ATF7: variants seen among roughly 807,000 people sequenced by gnomAD.
ATF7 encodes activating transcription factor 7, also known as cyclic AMP-dependent transcription factor ATF-7.
A neutral mutation model predicts 50.4 loss-of-function variants in ATF7; 10 were observed. The observed-to-expected ratio is 0.20, with a 90% CI of 0.12 to 0.34. The LOEUF (loss-of-function observed/expected upper bound fraction) is 0.34, where lower values mean the gene tolerates loss of function less well. Ranked by LOEUF, ATF7 falls within the 10% of genes least tolerant of loss-of-function variation. The probability of loss-of-function intolerance (pLI) is 1.00; values close to 1 mark genes in which losing one functional copy is unlikely to be tolerated. For missense variants in ATF7, 465 were observed against 613.9 expected, an observed-to-expected ratio of 0.76 and a Z score of 2.56; for synonymous variants, 201 against 226.4, an observed-to-expected ratio of 0.89 and a Z score of 1.01.
At chr12:53,600,875 A>T in intron 2 of ATF7, 78 bp downstream of exon 2, 1 of 1,428,320 alleles carries the variant, frequency 7.0e-7, no homozygotes, top group Non-Finnish European at 9.7e-7. Flanking sequence ...TACTGGCTTT[A>T]AACTCTTTGC....
At chr12:53,519,409 T>A (rs1470520454) in intron 11 of ATF7, among the ~76,000 whole-genome samples, 1 of 151,974 alleles carries the variant, frequency 6.6e-6, no homozygotes, top group East Asian at 1.9e-4. Context: ...TTTGCTATAA[T>A]GAATATGTAA....
At chr12:53,509,946 G>A (rs1029925986), downstream of ATF7, among the ~76,000 whole-genome samples, 2 of 152,172 alleles carry the variant, frequency 1.3e-5, no homozygotes, top group African/African-American at 2.4e-5. Flanking sequence ...TGTTAATGCG[G>A]ACTAAGCCAG....
intron 2 of ATF7, among the ~76,000 whole-genome samples, chr12:53,565,303 T>C (rs1182034385): frequency 7.5e-6 from 1 of 133,680 alleles, no homozygotes; most frequent in African/African-American, 3.4e-5. Context: ...AAAAGATTAG[T>C]TTTTTTTTTT....
At chr12:53,598,867 A>G (rs67236940) in intron 2 of ATF7, among the ~76,000 whole-genome samples, 16,945 of 152,226 alleles carry the variant, frequency 0.11, 1,056 homozygotes, top group Admixed American at 0.19. Flanking sequence ...AGTTTAAACA[A>G]TAAGTGAAGA....
At chr12:53,517,472 C>A (rs1162497588) in intron 11 of ATF7, 118 bp from the exon 12 acceptor site, 3 of 1,024,422 alleles carry the variant, frequency 2.9e-6, no homozygotes, top group African/African-American at 1.6e-5. Flanking sequence ...TGAAACCCAT[C>A]TTTTTTTTGG....
chr12:53,546,438 GTTTTC>G (rs1356127247), intron 3 of ATF7, among the ~76,000 whole-genome samples: 1 of 147,018 alleles, frequency 6.8e-6, no homozygotes, highest in African/African-American at 2.5e-5. Flanking sequence ...TTAAGATGAT[GTTTTC>G]TTTTCTTTCT....
intron 4 of ATF7, chr12:53,542,983 C>T: frequency 8.5e-7 from 1 of 1,178,838 alleles, no homozygotes; most frequent in Non-Finnish European, 1.0e-6. Context: ...AATTTGGCAA[C>T]AAATATGTTA....
intron 2 of ATF7, among the ~76,000 whole-genome samples, chr12:53,565,438 GA>G (rs1465528816): frequency 8.1e-6 from 1 of 123,064 alleles, no homozygotes; most frequent in African/African-American, 3.1e-5. Flanking sequence ...TAGTCAAGCA[GA>G]AAGTATAATT....
rs1210300749 is a variant in ATF7 at position 53,524,224 on chromosome 12, G to C, written c.1125+340C>G. 1.3e-5 allele frequency among the ~76,000 whole-genome samples: 2 copies of C among 152,006 alleles called. No individual in the cohort carries two copies. Among genetic ancestry groups the C allele is most frequent in the African/African-American group, 2.4e-5 (1 of 41,392 alleles). ...TTTTCTTTCTCTCTTTTATTAAGCT[G>C]CATTATCTAGGGCAAACACATTTCC... On this transcript the variant is annotated intron_variant, in intron 10 of 11. Coordinates refer to ENST00000420353, the MANE Select transcript of ATF7 (RefSeq NM_006856.3). This position sits in a 1 kb window ranked among gnomAD's most constrained non-coding sequence, Gnocchi z 4.6.
intron 9 of ATF7, among the ~76,000 whole-genome samples, chr12:53,529,932 TG>T (rs1294062770): frequency 1.3e-5 from 2 of 150,798 alleles, no homozygotes; most frequent in African/African-American, 4.9e-5. Context: ...TTAGTAGAGA[TG>T]GGGTTTCACC....
In ATF7 at chr12:53,614,680, T is replaced by C. The variant is rs1282364117; in HGVS notation, c.-22+11599A>G. ...TCCACATATTTTCAACAGTGATCTATTTGGGGTTATTCCAATGCTCGCCAA... is the reference window on the plus strand; with the variant it reads ...TCCACATATTTTCAACAGTGATCTACTTGGGGTTATTCCAATGCTCGCCAA... On this transcript the variant is annotated intron_variant, in intron 1 of 11. Transcript: ENST00000420353. Among the ~76,000 whole-genome samples the C allele has an allele frequency of 4.6e-5, 7 of 152,210 alleles. No homozygotes were observed. In the South Asian group the frequency reaches 1.4e-3, roughly 31 times the overall value.
rs563120205 is a variant in ATF7 at position 53,622,666 on chromosome 12, A to T, written c.-22+3613T>A. Among the ~76,000 whole-genome samples the T allele has an allele frequency of 5.3e-5, 8 of 151,426 alleles. No individual in the cohort carries two copies. The South Asian group carries it at 1.5e-3, about 28-fold the overall frequency. ...AAATTGCGTCTCAAAAAAAAAAAAA[A>T]AAATAGCTTAAAGAACTTGGGGTAT... On this transcript the variant is annotated intron_variant, in intron 1 of 11. Transcript: ENST00000420353.
intron 11 of ATF7, 107 bp from the exon 12 acceptor site, chr12:53,517,461 A>G: frequency 5.4e-6 from 6 of 1,101,612 alleles, no homozygotes; most frequent in South Asian, 1.6e-5. Flanking sequence ...CAAAAGGGAA[A>G]TGAAACCCAT....
chr12:53,596,143 C>CA (rs993162836), intron 2 of ATF7, among the ~76,000 whole-genome samples: 1 of 151,918 alleles, frequency 6.6e-6, no homozygotes, highest in African/African-American at 2.4e-5. Flanking sequence ...ACTAAAAATA[C>CA]AAAAAAATTA....
At position 53,512,448 on chromosome 12, in the gene ATF7, G is replaced by A. The variant is rs1337666691; in HGVS notation, c.*4689C>T. The A allele has an allele frequency of 6.6e-6, 1 of 152,146 alleles. No homozygotes were observed. The highest frequency in any genetic ancestry group is 6.6e-5 in the Admixed American group (1 of 15,266). 9.4% of individuals were successfully genotyped at this position (152,146 alleles called of 1,614,324 possible). A position where few individuals can be genotyped will look rare whatever the true frequency, so the allele number is the denominator to read the frequency against. On this transcript the variant is annotated 3_prime_UTR_variant, in exon 12 of 12. Coordinates refer to ENST00000420353, the MANE Select transcript of ATF7 (RefSeq NM_006856.3). ...CATGTCAAAAATATATAGATGAACA[G>A]AGATATAATCATAGATACACACTGC...
intron 2 of ATF7, among the ~76,000 whole-genome samples, chr12:53,562,076 A>G (rs1941156408): frequency 6.6e-6 from 1 of 152,220 alleles, no homozygotes; most frequent in African/African-American, 2.4e-5. Context: ...GGAATATCTT[A>G]AAGATTCTGG....
intron 3 of ATF7, among the ~76,000 whole-genome samples, chr12:53,550,501 G>T (rs1331131598): frequency 1.3e-5 from 2 of 152,004 alleles, no homozygotes; most frequent in South Asian, 2.1e-4. Flanking sequence ...AATCAAGGAG[G>T]CCAGCTAGGA....
At chr12:53,523,071 C>T in intron 11 of ATF7, 1 of 490,012 alleles carries the variant, frequency 2.0e-6, no homozygotes, top group South Asian at 2.8e-5. Flanking sequence ...TACCCTTCAA[C>T]CCCCAACTAT....
chr12:53,510,866 C>T (rs1281969602), downstream of ATF7, among the ~76,000 whole-genome samples: 1 of 152,224 alleles, frequency 6.6e-6, no homozygotes, highest in Non-Finnish European at 1.5e-5. Context: ...TGGTGGGAAC[C>T]TCCAAAACCT....
Sources: gnomAD v4.1 joint callset for allele counts (sites outside exome capture counted in the v4.1 genomes callset) on GRCh38, gnomAD v4.1.1 for gene constraint, Gnocchi (gnomAD v3.1) non-coding constraint, MANE v1.5 for transcripts, NCBI Gene and HGNC (gene_info 2026-07-23, HGNC 2026-07-21) for gene names.